Variants in FER observed in about 807,000 individuals in gnomAD.
FER encodes the protein FER tyrosine kinase.
In FER, 63 loss-of-function variants were observed where a neutral mutation model predicts 111.0. That is an observed-to-expected ratio of 0.57 (90% CI 0.46 to 0.70). The LOEUF is 0.70. Ranked by LOEUF, FER falls within the 30% of genes least tolerant of loss-of-function variation. The pLI, the probability that FER is intolerant of heterozygous loss-of-function variation, is 0.00. For synonymous variants in FER, 327 were observed against 313.9 expected, an observed-to-expected ratio of 1.04 and a Z score of -0.44; for missense variants, 914 against 954.0, an observed-to-expected ratio of 0.96 and a Z score of 0.55.
intron 1 of FER, among the ~76,000 whole-genome samples, chr5:108,755,078 G>A (rs531274669): frequency 1.8e-4 from 28 of 152,150 alleles, no homozygotes; most frequent in South Asian, 4.1e-4. Flanking sequence ...CTTCAGACCC[G>A]TACAATCCGG....
At chr5:109,102,180 A>G (rs1363734673) in intron 17 of FER, among the ~76,000 whole-genome samples, 1 of 152,102 alleles carries the variant, frequency 6.6e-6, no homozygotes, top group Non-Finnish European at 1.5e-5. Flanking sequence ...TCTCTAAATC[A>G]TAATATTATC....
chr5:108,772,320 G>GTATA (rs61538509), intron 2 of FER, among the ~76,000 whole-genome samples: 53 of 130,898 alleles, frequency 4.0e-4, no homozygotes, highest in East Asian at 1.6e-3. Context: ...ATATATGTAT[G>GTATA]TATATATATA....
intron 8 of FER, among the ~76,000 whole-genome samples, chr5:108,873,253 C>T (rs1293334962): frequency 1.3e-5 from 2 of 152,120 alleles, no homozygotes; most frequent in African/African-American, 4.8e-5. Context: ...AAATGATTCT[C>T]ATGCCTCAGC....
At chr5:108,946,812 T>G (rs942090136) in intron 11 of FER, among the ~76,000 whole-genome samples, 5 of 134,118 alleles carry the variant, frequency 3.7e-5, no homozygotes, top group African/African-American at 1.1e-4. Flanking sequence ...TAGTTCTATT[T>G]ACTTGGAGAA....
chr5:109,028,957 A>G (rs1433092485), intron 13 of FER, among the ~76,000 whole-genome samples: 47 of 152,294 alleles, frequency 3.1e-4, no homozygotes, highest in Non-Finnish European at 1.5e-5. Flanking sequence ...CATAGAATGG[A>G]TATTTATGTT....
At chr5:109,025,461 C>G (rs1257783671) in intron 13 of FER, among the ~76,000 whole-genome samples, 6 of 152,152 alleles carry the variant, frequency 3.9e-5, no homozygotes, top group African/African-American at 1.2e-4. Flanking sequence ...GATTTTTGCA[C>G]ATTGATTTTG....
rs1227663693 is a variant in FER at position 109,014,226 on chromosome 5, T to G, written c.1657-23196T>G. Among the ~76,000 whole-genome samples, 88 of 152,218 alleles carry G rather than the reference T, an allele frequency of 5.8e-4. 1 individual carries two copies. Among genetic ancestry groups the G allele is most frequent in the Admixed American group, 5.7e-3 (87 of 15,290 alleles). On this transcript the variant is annotated intron_variant, in intron 13 of 19. Transcript: ENST00000281092. ...TTTTTATGGTTTTAGGTCTAACGTT[T>G]AAGTCTTTAATCCATCTTGAATTAA...
chr5:109,039,499 C>G (rs1016827036), intron 14 of FER, among the ~76,000 whole-genome samples: 1 of 152,084 alleles, frequency 6.6e-6, no homozygotes, highest in Non-Finnish European at 1.5e-5. Context: ...GTGCTAAGTC[C>G]TGTGAACAAT....
intron 16 of FER, among the ~76,000 whole-genome samples, chr5:109,070,133 A>AC (rs1775598205): frequency 6.7e-6 from 1 of 149,010 alleles, no homozygotes; most frequent in African/African-American, 2.5e-5. Context: ...ATAAAGGTTG[A>AC]TTTTTTTTTT....
intron 2 of FER, among the ~76,000 whole-genome samples, chr5:108,796,866 A>T (rs1156533980): frequency 6.6e-6 from 1 of 151,780 alleles, no homozygotes; most frequent in Non-Finnish European, 1.5e-5. Flanking sequence ...GCTCTACCCC[A>T]CTGTGTTCGA....
chr5:108,936,875 T>A (rs1755545580), intron 10 of FER, among the ~76,000 whole-genome samples: 5 of 151,988 alleles, frequency 3.3e-5, no homozygotes, highest in Admixed American at 3.3e-4. Context: ...GGAAAATATC[T>A]TTTAACTCCC....
At chr5:108,932,773 A>C (rs1408096315) in intron 10 of FER, among the ~76,000 whole-genome samples, 1 of 147,430 alleles carries the variant, frequency 6.8e-6, no homozygotes, top group Non-Finnish European at 1.5e-5. Flanking sequence ...TCTAATGACC[A>C]GTGATGATGA....
intron 13 of FER, among the ~76,000 whole-genome samples, chr5:108,985,114 A>C (rs1270420054): frequency 6.6e-6 from 1 of 152,170 alleles, no homozygotes; most frequent in African/African-American, 2.4e-5. Flanking sequence ...AGGGAGAAAC[A>C]TACTACAAAT....
At chr5:108,845,030 A>C (rs1580839443) in intron 5 of FER, among the ~76,000 whole-genome samples, 1 of 56,162 alleles carries the variant, frequency 1.8e-5, no homozygotes, top group African/African-American at 6.3e-5. Context: ...ATATATATAT[A>C]TATATATATA....
At chr5:109,147,934 A>C (rs574817991) in intron 17 of FER, among the ~76,000 whole-genome samples, 5 of 152,052 alleles carry the variant, frequency 3.3e-5, no homozygotes, top group Admixed American at 3.3e-4. Context: ...CACTTTCGTA[A>C]CTAGAGAAAA....
At chr5:108,936,723 G>T (rs1000751305) in intron 10 of FER, among the ~76,000 whole-genome samples, 1 of 151,850 alleles carries the variant, frequency 6.6e-6, no homozygotes, top group African/African-American at 2.4e-5. Context: ...TTATTTCTAG[G>T]TATGTACTAG....
chr5:108,929,496 G>T (rs1218279988), intron 10 of FER, among the ~76,000 whole-genome samples: 3 of 152,032 alleles, frequency 2.0e-5, no homozygotes, highest in Non-Finnish European at 4.4e-5. Context: ...TTTATCTGTT[G>T]CATTATTTCA....
At chr5:109,131,879 T>C (rs1561936170) in intron 17 of FER, among the ~76,000 whole-genome samples, 1 of 152,298 alleles carries the variant, frequency 6.6e-6, no homozygotes, top group East Asian at 1.9e-4. Flanking sequence ...CTTGTTACAG[T>C]AGCCAGACAT....
At chr5:108,943,033 G>A (rs1362341918) in intron 10 of FER, among the ~76,000 whole-genome samples, 4 of 152,088 alleles carry the variant, frequency 2.6e-5, no homozygotes, top group Non-Finnish European at 5.9e-5. Context: ...ATAAGTCTGT[G>A]AGAAATAATA....
Sources: allele counts gnomAD v4.1 joint callset (sites outside exome capture counted in the v4.1 genomes callset), GRCh38; gene constraint gnomAD v4.1.1; transcripts MANE v1.5; gene names NCBI Gene and HGNC (gene_info 2026-07-23, HGNC 2026-07-21).